The following CCDC178 variants were observed in gnomAD, a reference collection of about 807,000 sequenced individuals.
CCDC178 encodes coiled-coil domain containing 178.
A neutral mutation model predicts 117.4 loss-of-function variants in CCDC178; 126 were observed. That is an observed-to-expected ratio of 1.07 (90% CI 0.93 to 1.24). The LOEUF (loss-of-function observed/expected upper bound fraction) is 1.24, where lower values mean the gene tolerates loss of function less well. CCDC178 is among the 50% of genes most tolerant of loss of function. The pLI is 0.00. For missense variants in CCDC178, 1,030 were observed against 986.9 expected (o/e 1.04, Z -0.59); for synonymous variants, 283 against 313.4 (o/e 0.90, Z 1.02).
At chr18:32,952,816 C>T (rs1164023271) in intron 22 of CCDC178, among the ~76,000 whole-genome samples, 1 of 149,856 alleles carries the variant, frequency 6.7e-6, no homozygotes, top group East Asian at 2.0e-4. Flanking sequence ...CTTTGTTGCC[C>T]AGGCTGGAGT....
intron 20 of CCDC178, among the ~76,000 whole-genome samples, chr18:33,145,247 T>C (rs555583954): frequency 6.6e-6 from 1 of 152,320 alleles, no homozygotes; most frequent in East Asian, 1.9e-4. Context: ...TTTATCACGA[T>C]TCCATTTATA....
chr18:33,029,326 T>C (rs761444324), intron 21 of CCDC178, among the ~76,000 whole-genome samples: 17 of 151,984 alleles, frequency 1.1e-4, no homozygotes, highest in Non-Finnish European at 2.5e-4. Context: ...CTCACTTACA[T>C]TCCTTTTCAT....
At chr18:33,061,732 C>G (rs1268377291) in intron 21 of CCDC178, among the ~76,000 whole-genome samples, 1 of 151,970 alleles carries the variant, frequency 6.6e-6, no homozygotes, top group Non-Finnish European at 1.5e-5. Context: ...AATGAATAAC[C>G]AAATAGTGAT....
At chr18:33,414,367 A>T (rs2063902779) in intron 2 of CCDC178, among the ~76,000 whole-genome samples, 1 of 152,190 alleles carries the variant, frequency 6.6e-6, no homozygotes, top group Non-Finnish European at 1.5e-5. Context: ...TTACATAAGA[A>T]CAGAACAGAG....
intron 21 of CCDC178, among the ~76,000 whole-genome samples, chr18:32,979,696 C>T (rs1450384927): frequency 6.6e-6 from 1 of 152,102 alleles, no homozygotes; most frequent in East Asian, 1.9e-4. Context: ...AGTCTACAAT[C>T]TCATCAGGTT....
intron 2 of CCDC178, among the ~76,000 whole-genome samples, chr18:33,430,130 T>G (rs528577291): frequency 6.6e-6 from 1 of 152,324 alleles, no homozygotes; most frequent in African/African-American, 2.4e-5. Flanking sequence ...TTTGTTGTTC[T>G]AAAATCAAAA....
intron 11 of CCDC178, among the ~76,000 whole-genome samples, chr18:33,313,976 G>A (rs966854186): frequency 2.8e-4 from 42 of 151,692 alleles, no homozygotes; most frequent in African/African-American, 8.7e-4. Context: ...CGAGGCGGGC[G>A]GATCACGAGG....
intron 6 of CCDC178, among the ~76,000 whole-genome samples, chr18:33,358,682 T>C (rs2063090045): frequency 6.6e-6 from 1 of 151,994 alleles, no homozygotes; most frequent in Middle Eastern, 3.4e-3. Flanking sequence ...TTTTAGTAGC[T>C]ATAAAGTAAA....
At chr18:33,300,483 G>A (rs2062162638) in intron 11 of CCDC178, among the ~76,000 whole-genome samples, 1 of 152,202 alleles carries the variant, frequency 6.6e-6, no homozygotes, top group Non-Finnish European at 1.5e-5. Context: ...ACAGGAAGGT[G>A]AGAGAAGGTT....
At chr18:33,254,804 A>G (rs1305734451) in intron 14 of CCDC178, among the ~76,000 whole-genome samples, 1 of 152,068 alleles carries the variant, frequency 6.6e-6, no homozygotes, top group South Asian at 2.1e-4. Context: ...ACTGAAGCTG[A>G]AAACAATATG....
At chr18:33,140,024 C>T (rs902590740) in intron 20 of CCDC178, among the ~76,000 whole-genome samples, 36 of 152,258 alleles carry the variant, frequency 2.4e-4, no homozygotes, top group South Asian at 6.2e-4. Context: ...GGTACAGCTC[C>T]GGCTGTGGCT....
chr18:33,249,916 C>T (rs1568088082), intron 14 of CCDC178, among the ~76,000 whole-genome samples: 1 of 151,954 alleles, frequency 6.6e-6, no homozygotes, highest in Non-Finnish European at 1.5e-5. Context: ...AATGTTCTTC[C>T]ATTTGTTTGT....
At chr18:33,050,626 T>C (rs8090816) in intron 21 of CCDC178, among the ~76,000 whole-genome samples, 21,613 of 152,170 alleles carry the variant, frequency 0.14, 2,379 homozygotes, top group African/African-American at 0.31. Flanking sequence ...AGATGGTTTA[T>C]GTCAGATAAA....
chr18:33,312,499 CT>C (rs1369080392), intron 11 of CCDC178, among the ~76,000 whole-genome samples: 1 of 152,154 alleles, frequency 6.6e-6, no homozygotes, highest in East Asian at 1.9e-4. Flanking sequence ...CATAAGCAAA[CT>C]TTTCTATCTT....
At chr18:33,142,749 T>C (rs991199449) in intron 20 of CCDC178, among the ~76,000 whole-genome samples, 1 of 152,186 alleles carries the variant, frequency 6.6e-6, no homozygotes, top group African/African-American at 2.4e-5. Context: ...TCACCATTTA[T>C]TTTAATTTTT....
chr18:33,155,825 T>C (rs1354279930), intron 20 of CCDC178, among the ~76,000 whole-genome samples: 1 of 152,074 alleles, frequency 6.6e-6, no homozygotes, highest in African/African-American at 2.4e-5. Context: ...ATGGAAATGA[T>C]ACAGAAACAT....
intron 20 of CCDC178, among the ~76,000 whole-genome samples, chr18:33,125,635 A>C (rs1364413101): frequency 6.6e-6 from 1 of 152,202 alleles, no homozygotes; most frequent in Non-Finnish European, 1.5e-5. Flanking sequence ...GAGGTTAAGA[A>C]AATAGATCTT....
At chr18:33,299,502 AAC>A (rs71159812) in intron 11 of CCDC178, among the ~76,000 whole-genome samples, 65 of 146,162 alleles carry the variant, frequency 4.4e-4, no homozygotes, top group African/African-American at 7.0e-4. Context: ...AACTAGTATA[AAC>A]ACACACACAC....
chr18:33,388,602 C>T (rs1406714189), intron 5 of CCDC178, among the ~76,000 whole-genome samples: 6 of 119,430 alleles, frequency 5.0e-5, no homozygotes, highest in Non-Finnish European at 9.9e-5. Flanking sequence ...TCACTGCAAG[C>T]TCCGCCTCCC....
Sources: gnomAD v4.1 joint callset for allele counts (sites outside exome capture counted in the v4.1 genomes callset) on GRCh38, gnomAD v4.1.1 for gene constraint, MANE v1.5 for transcripts, NCBI Gene and HGNC (gene_info 2026-07-23, HGNC 2026-07-21) for gene names.